ANKRD30B: variants seen among roughly 807,000 people sequenced by gnomAD.
The protein encoded by ANKRD30B is ankyrin repeat domain-containing protein 30B.
In ANKRD30B, 144 loss-of-function variants were observed where a neutral mutation model predicts 202.2. The observed-to-expected ratio is 0.71, with a 90% CI of 0.62 to 0.82. The LOEUF (loss-of-function observed/expected upper bound fraction) is 0.82, where lower values mean the gene tolerates loss of function less well. Ranked by LOEUF, ANKRD30B falls within the 40% of genes least tolerant of loss-of-function variation. The pLI, the probability that ANKRD30B is intolerant of heterozygous loss-of-function variation, is 0.00. For missense variants in ANKRD30B, 1,487 were observed against 1,669.1 expected, an observed-to-expected ratio of 0.89 and a Z score of 1.90; for synonymous variants, 508 against 561.3, an observed-to-expected ratio of 0.91 and a Z score of 1.34.
At chr18:14,875,567 A>G in the ANKRD30B span, among the ~76,000 whole-genome samples, 1 of 152,142 alleles carries the variant, frequency 6.6e-6, no homozygotes, top group African/African-American at 2.4e-5. Flanking sequence ...GAGCCCCTGG[A>G]CAGCAGGTGC....
At chr18:14,752,809 A>G (rs1913671017) in intron 2 of ANKRD30B, 30 bp from the exon 3 acceptor site, 2 of 1,586,614 alleles carry the variant, frequency 1.3e-6, no homozygotes, top group Non-Finnish European at 1.7e-6. Flanking sequence ...CCTATAATTT[A>G]TAATGTACTT....
At chr18:14,878,709 C>G in the ANKRD30B span, among the ~76,000 whole-genome samples, 1 of 152,112 alleles carries the variant, frequency 6.6e-6, no homozygotes, top group African/African-American at 2.4e-5. Context: ...GCTTCTTTTC[C>G]TGGGTTTCTA....
chr18:14,832,027 C>A (rs556530557), intron 34 of ANKRD30B, among the ~76,000 whole-genome samples: 1 of 151,872 alleles, frequency 6.6e-6, no homozygotes. Context: ...TTATCAGTTT[C>A]TCTTCTTGGT....
chr18:14,910,364 C>G, the ANKRD30B span, among the ~76,000 whole-genome samples: 1 of 152,036 alleles, frequency 6.6e-6, no homozygotes, highest in Admixed American at 6.6e-5. Context: ...AATTACTTCA[C>G]TGAGGATAAT....
chr18:14,869,383 G>A, the ANKRD30B span, among the ~76,000 whole-genome samples: 3 of 151,134 alleles, frequency 2.0e-5, no homozygotes, highest in African/African-American at 4.9e-5. Flanking sequence ...GTGTTCTTAT[G>A]TTGTATGACA....
chr18:14,759,703 G>A (rs1157857309), intron 5 of ANKRD30B, among the ~76,000 whole-genome samples: 1 of 152,002 alleles, frequency 6.6e-6, no homozygotes, highest in Non-Finnish European at 1.5e-5. Flanking sequence ...TGATGAGGTC[G>A]GTAATAGAGG....
chr18:14,848,552 T>G (rs963026909), intron 39 of ANKRD30B, among the ~76,000 whole-genome samples, 164 bp from the exon 40 acceptor site: 6 of 142,784 alleles, frequency 4.2e-5, no homozygotes, highest in African/African-American at 1.7e-4. Flanking sequence ...AGAGCAGAGT[T>G]TTTTTTTTTC....
In ANKRD30B at chr18:14,850,583, G is replaced by A. The variant is rs539108911; in HGVS notation, c.3564+201G>A. On this transcript the variant is annotated intron_variant, in intron 41 of 43. Coordinates refer to ENST00000690538, the MANE Select transcript of ANKRD30B (RefSeq NM_001367607.2). ...ATAGTATCTTATTTCAGTACAAAGA[G>A]CTTTTGAAAATAATGATAATCCCTA... Among the ~76,000 whole-genome samples, 3 of 151,732 alleles carry A rather than the reference G, an allele frequency of 2.0e-5. No homozygotes were observed. In the East Asian group the frequency reaches 5.8e-4, roughly 29 times the overall value.
chr18:14,751,409 T>G (rs1913429828), intron 1 of ANKRD30B, among the ~76,000 whole-genome samples: 1 of 152,082 alleles, frequency 6.6e-6, no homozygotes, highest in African/African-American at 2.4e-5. Flanking sequence ...AAATTTCATG[T>G]TTACCTGCTC....
downstream of ANKRD30B, among the ~76,000 whole-genome samples, chr18:14,858,828 T>C (rs1275630953): frequency 4.3e-5 from 3 of 70,010 alleles, no homozygotes; most frequent in South Asian, 5.4e-4. Context: ...TGCTCCTCAT[T>C]TCCCAGACGG....
intron 4 of ANKRD30B, 92 bp from the exon 5 acceptor site, chr18:14,757,723 G>A: frequency 4.4e-6 from 6 of 1,358,492 alleles, no homozygotes; most frequent in Non-Finnish European, 6.0e-6. Context: ...AGATACTTAT[G>A]TTTGTTAGTA....
At chr18:14,886,421 A>G in the ANKRD30B span, among the ~76,000 whole-genome samples, 5 of 152,038 alleles carry the variant, frequency 3.3e-5, no homozygotes, top group Non-Finnish European at 7.4e-5. Flanking sequence ...ATTTAAAAAT[A>G]GGAGAAAAAC....
At chr18:14,862,824 C>A in the ANKRD30B span, among the ~76,000 whole-genome samples, 1 of 152,362 alleles carries the variant, frequency 6.6e-6, no homozygotes, top group African/African-American at 2.4e-5. Flanking sequence ...GGAACCCACC[C>A]CTTGCACAAG....
rs1233552965 is a variant in ANKRD30B, at chr18:14,853,875, G to A, written c.4543G>A (p.Val1515Ile). Residue 1515 changes from valine (V) to isoleucine (I), a missense_variant, in exon 43 of 44, where the codon GTT becomes ATT. Transcript: ENST00000690538. ...TAAACAGTGTGAGGCTTCACTAAAGGTTACATCACATTCTCACTCTCTGAG... is the reference window on the plus strand; with the variant it reads ...TAAACAGTGTGAGGCTTCACTAAAGATTACATCACATTCTCACTCTCTGAG... ...LNKQCEASLK[V>I]TSHSHSLRHQ Among the ~76,000 whole-genome samples, 1 of 152,070 alleles carries A rather than the reference G, an allele frequency of 6.6e-6. No homozygotes were observed. The highest frequency in any genetic ancestry group is 1.5e-5 in the Non-Finnish European group (1 of 68,010).
At chr18:14,892,771 A>C in the ANKRD30B span, among the ~76,000 whole-genome samples, 1 of 143,338 alleles carries the variant, frequency 7.0e-6, no homozygotes, top group East Asian at 2.0e-4. Flanking sequence ...AAAAAAAATT[A>C]GTTGGGCATG....
intron 15 of ANKRD30B, among the ~76,000 whole-genome samples, chr18:14,788,637 A>G (rs923345919): frequency 1.3e-5 from 2 of 151,780 alleles, no homozygotes; most frequent in African/African-American, 4.8e-5. Flanking sequence ...GAGTGAGAAT[A>G]TGCGGTGTTT....
chr18:14,755,819 T>C (rs1162806476), intron 4 of ANKRD30B, among the ~76,000 whole-genome samples: 1 of 151,960 alleles, frequency 6.6e-6, no homozygotes, highest in Non-Finnish European at 1.5e-5. Context: ...GACATTTGGG[T>C]TGGTTCCAAG....
At chr18:14,862,362 A>G in the ANKRD30B span, among the ~76,000 whole-genome samples, 1 of 152,066 alleles carries the variant, frequency 6.6e-6, no homozygotes, top group Non-Finnish European at 1.5e-5. Context: ...GACACATAAA[A>G]ATGATAGATT....
At position 14,748,428 on chromosome 18, in the gene ANKRD30B, G is replaced by A. The variant is rs186882550; in HGVS notation, c.9G>A (p.Arg3=). MK[R]LLAAAGKGVR... is the part of the protein sequence containing the mutation. ...AGCAGGGGGCTGCAGCCATGAAGAG[G>A]CTCTTAGCTGCCGCTGGCAAGGGCG... The change falls in exon 1 of 44, where the codon AGG becomes AGA. Residue 3 remains arginine, a synonymous_variant. Coordinates refer to ENST00000690538, the MANE Select transcript of ANKRD30B (RefSeq NM_001367607.2). 3.4e-5 allele frequency: 51 copies of A among 1,506,674 alleles called. No homozygotes were observed. Among genetic ancestry groups the A allele is most frequent in the Non-Finnish European group, 4.4e-5 (50 of 1,125,332 alleles). The allele number at this position is 1,506,674 out of a possible 1,614,324, so 93.3% of individuals were successfully genotyped here. A position where few individuals can be genotyped will look rare whatever the true frequency, so the allele number is the denominator to read the frequency against.
Sources: gnomAD v4.1 joint callset for allele counts (sites outside exome capture counted in the v4.1 genomes callset) on GRCh38, gnomAD v4.1.1 for gene constraint, MANE v1.5 for transcripts, NCBI Gene and HGNC (gene_info 2026-07-23, HGNC 2026-07-21) for gene names.